Variants in ZCWPW2 observed in about 807,000 individuals in gnomAD.
ZCWPW2 encodes zinc finger CW-type and PWWP domain containing 2.
Under a neutral mutation model 46.6 loss-of-function variants are expected in ZCWPW2, and 45 were observed. The ratio of observed to expected loss-of-function variants is 0.96; its 90% CI spans 0.76 to 1.24. The LOEUF is 1.24. Among genes scored for constraint, ZCWPW2 ranks in the 50% most tolerant of loss-of-function variants. ZCWPW2 has a pLI of 0.00. For synonymous variants in ZCWPW2, 152 were observed against 137.1 expected, an observed-to-expected ratio of 1.11 and a Z score of -0.76; for missense variants, 429 against 403.9, an observed-to-expected ratio of 1.06 and a Z score of -0.53.
intron 4 of ZCWPW2, among the ~76,000 whole-genome samples, chr3:28,463,476 C>G (rs1234778388): frequency 6.6e-6 from 1 of 151,904 alleles, no homozygotes; most frequent in African/African-American, 2.4e-5. Context: ...GTCTGTTTTG[C>G]TGTTGGGAGA....
chr3:28,399,897 T>G (rs1695855648), intron 2 of ZCWPW2, among the ~76,000 whole-genome samples: 3 of 152,050 alleles, frequency 2.0e-5, no homozygotes, highest in Non-Finnish European at 4.4e-5. Context: ...AAAATCACAC[T>G]AGCTCATGAG....
chr3:28,470,211 T>G (rs1698984790), intron 4 of ZCWPW2, among the ~76,000 whole-genome samples: 1 of 152,110 alleles, frequency 6.6e-6, no homozygotes, highest in Non-Finnish European at 1.5e-5. Flanking sequence ...AAAGGAAATT[T>G]AGGCCGGGTG....
intron 3 of ZCWPW2, among the ~76,000 whole-genome samples, chr3:28,432,167 G>A (rs1247194405): frequency 6.6e-6 from 1 of 152,120 alleles, no homozygotes; most frequent in Admixed American, 6.5e-5. Context: ...AACCATATCA[G>A]TGCGTCTTGT....
chr3:28,506,653 C>T (rs1465334689), intron 6 of ZCWPW2, among the ~76,000 whole-genome samples: 1 of 151,960 alleles, frequency 6.6e-6, no homozygotes, highest in Non-Finnish European at 1.5e-5. Flanking sequence ...GAGATGGTCC[C>T]TAATTTTAAT....
intron 6 of ZCWPW2, among the ~76,000 whole-genome samples, chr3:28,508,605 C>G (rs928704496): frequency 6.6e-6 from 1 of 152,136 alleles, no homozygotes; most frequent in Non-Finnish European, 1.5e-5. Context: ...GTAACCTACA[C>G]CTCCCGGGTT....
At chr3:28,510,191 A>G (rs1700389364) in intron 6 of ZCWPW2, among the ~76,000 whole-genome samples, 1 of 152,114 alleles carries the variant, frequency 6.6e-6, no homozygotes, top group African/African-American at 2.4e-5. Context: ...CCAGTACCAT[A>G]CTATCTTGAT....
intron 1 of ZCWPW2, among the ~76,000 whole-genome samples, chr3:28,387,204 A>T (rs941494357): frequency 2.0e-5 from 3 of 152,184 alleles, no homozygotes; most frequent in African/African-American, 7.2e-5. Flanking sequence ...TTGTAGGCTT[A>T]GCAAACCCTT....
chr3:28,363,649 C>A (rs1037675148), intron 1 of ZCWPW2, among the ~76,000 whole-genome samples: 10 of 152,094 alleles, frequency 6.6e-5, no homozygotes, highest in Admixed American at 2.0e-4. Flanking sequence ...ATCAAGCTCT[C>A]ACTCTCCATA....
rs755609170 is a variant in ZCWPW2 at position 28,478,888 on chromosome 3, T to A, written c.567T>A (p.Ser189=). The change falls in exon 5 of 10, where the codon TCT becomes TCA. Residue 189 remains serine (S), a synonymous_variant. Coordinates refer to ENST00000383768, the MANE Select transcript of ZCWPW2 (RefSeq NM_001040432.4). ...AAGCATGTCTACTCTATGGATATTC[T>A]CATGAGCAAAGACTGGAAATGTGCT... ...LQEACLLYGY[S]HEQRLEMCCL... 2 of 1,588,394 alleles carry A rather than the reference T, an allele frequency of 1.3e-6. No individual in the cohort carries two copies. The highest frequency in any genetic ancestry group is 3.7e-5 in the Admixed American group (2 of 54,286).
At chr3:28,352,880 T>C (rs1259431667) in intron 1 of ZCWPW2, among the ~76,000 whole-genome samples, 1 of 152,116 alleles carries the variant, frequency 6.6e-6, no homozygotes, top group African/African-American at 2.4e-5. Context: ...GCATTTCCAA[T>C]AAAAGCTTTT....
intron 4 of ZCWPW2, among the ~76,000 whole-genome samples, chr3:28,476,325 A>G (rs1469271668): frequency 1.3e-5 from 2 of 152,144 alleles, no homozygotes; most frequent in African/African-American, 2.4e-5. Flanking sequence ...GGAAATTAAA[A>G]TTCCTCTTAA....
At chr3:28,445,203 T>A in intron 4 of ZCWPW2, among the ~76,000 whole-genome samples, 1 of 148,538 alleles carries the variant, frequency 6.7e-6, no homozygotes. Flanking sequence ...ATATATATAT[T>A]TGAGTTTATT....
chr3:28,425,632 G>A (rs13095628), intron 3 of ZCWPW2, among the ~76,000 whole-genome samples: 42,448 of 152,012 alleles, frequency 0.28, 6,149 homozygotes, highest in Middle Eastern at 0.32. Flanking sequence ...TTGACTCTCT[G>A]TAATAAAGCT....
At chr3:28,460,762 A>G (rs556067044) in intron 4 of ZCWPW2, among the ~76,000 whole-genome samples, 4 of 152,324 alleles carry the variant, frequency 2.6e-5, no homozygotes, top group Admixed American at 6.5e-5. Context: ...ACAGAGGAAA[A>G]GAGCGATAGC....
chr3:28,379,895 A>G (rs1277993002), intron 1 of ZCWPW2, among the ~76,000 whole-genome samples: 1 of 152,172 alleles, frequency 6.6e-6, no homozygotes, highest in East Asian at 1.9e-4. Context: ...GGTGAATTAT[A>G]ATGGAGTAGA....
chr3:28,454,664 G>T (rs569230957), intron 4 of ZCWPW2, among the ~76,000 whole-genome samples: 5 of 152,202 alleles, frequency 3.3e-5, no homozygotes, highest in Non-Finnish European at 7.4e-5. Context: ...ACTGGCCCCA[G>T]TGTGTGTTGT....
chr3:28,491,885 C>G lies in ZCWPW2; in HGVS notation c.611-242C>G, dbSNP rs190942493. On this transcript the variant is annotated intron_variant, in intron 5 of 9. Transcript: ENST00000383768. The stretch of plus-strand genomic sequence containing the variant: ...AACTTGAGGACATCCAACTAGCCAA[C>G]TTTAAGAGAGGAGATCTGCCAAATA... Among the ~76,000 whole-genome samples the G allele has an allele frequency of 1.4e-4, 21 of 152,092 alleles. No individual in the cohort carries two copies. The East Asian group carries it at 2.1e-3, about 15-fold the overall frequency.
chr3:28,516,095 C>A (rs1405345625), intron 8 of ZCWPW2, among the ~76,000 whole-genome samples: 1 of 151,792 alleles, frequency 6.6e-6, no homozygotes, highest in African/African-American at 2.4e-5. Flanking sequence ...CAAAAATTAG[C>A]TGGCCGTGGT....
intron 4 of ZCWPW2, among the ~76,000 whole-genome samples, chr3:28,464,811 G>C (rs1229806333): frequency 6.6e-6 from 1 of 152,102 alleles, no homozygotes; most frequent in Non-Finnish European, 1.5e-5. Flanking sequence ...ATATTGGGGG[G>C]AGTAAAACTA....
Sources: allele counts gnomAD v4.1 joint callset (sites outside exome capture counted in the v4.1 genomes callset), GRCh38; gene constraint gnomAD v4.1.1; transcripts MANE v1.5; gene names NCBI Gene and HGNC (gene_info 2026-07-23, HGNC 2026-07-21).